The following FIG4 variants were observed in gnomAD, a reference collection of about 807,000 sequenced individuals.
FIG4 encodes polyphosphoinositide phosphatase.
A neutral mutation model predicts 118.6 loss-of-function variants in FIG4; 112 were observed. The ratio of observed to expected loss-of-function variants is 0.94; its 90% CI spans 0.81 to 1.11. The LOEUF (loss-of-function observed/expected upper bound fraction) is 1.11, where lower values mean the gene tolerates loss of function less well. FIG4 is among the 50% of genes least tolerant of loss of function. The probability of loss-of-function intolerance (pLI) is 0.00; values close to 1 mark genes in which losing one functional copy is unlikely to be tolerated. For synonymous variants in FIG4, 369 were observed against 381.2 expected (o/e 0.97, Z 0.37); for missense variants, 969 against 1,111.7 (o/e 0.87, Z 1.83).
At chr6:109,753,110 G>T (rs893391558) in intron 10 of FIG4, among the ~76,000 whole-genome samples, 9 of 152,116 alleles carry the variant, frequency 5.9e-5, no homozygotes, top group African/African-American at 2.2e-4. Flanking sequence ...TTTCCCCATT[G>T]CTTGTTTTTG....
At chr6:109,764,052 C>A in intron 13 of FIG4, 70 bp downstream of exon 13, 1 of 1,013,042 alleles carries the variant, frequency 9.9e-7, no homozygotes, top group Non-Finnish European at 1.6e-6. Flanking sequence ...TTTCTGTAAG[C>A]AATCATGGAA....
chr6:109,728,046 A>G (rs964158388), intron 4 of FIG4, among the ~76,000 whole-genome samples: 1 of 152,204 alleles, frequency 6.6e-6, no homozygotes, highest in African/African-American at 2.4e-5. Flanking sequence ...TTGTATGTGG[A>G]CTACATACTA....
intron 12 of FIG4, among the ~76,000 whole-genome samples, 158 bp from the exon 13 acceptor site, chr6:109,763,779 A>C (rs1777184219): frequency 6.6e-6 from 1 of 152,192 alleles, no homozygotes; most frequent in African/African-American, 2.4e-5. Flanking sequence ...TTGCATGTTC[A>C]CTTACCTGAA....
In FIG4 at chr6:109,785,015, G is replaced by C; in HGVS notation, c.1935G>C (p.Leu645Phe). Residue 645 changes from leucine to phenylalanine, a missense_variant, in exon 17 of 23, where the codon TTG (leucine) becomes TTC (phenylalanine). Coordinates refer to ENST00000230124, the MANE Select transcript of FIG4 (RefSeq NM_014845.6). Reference sequence around the variant, plus strand: ...CAGAGGTGATAAAGCATTTACCATTGCCCTATGATGAAGGTAGGTAACTGT... The same window carrying C: ...CAGAGGTGATAAAGCATTTACCATTCCCCTATGATGAAGGTAGGTAACTGT... ...WTPEVIKHLP[L>F]PYDEVICAVN... 6.4e-7 allele frequency: 1 copy of C among 1,569,874 alleles called. No individual in the cohort carries two copies. The highest frequency in any genetic ancestry group is 8.8e-7 in the Non-Finnish European group (1 of 1,139,704).
chr6:109,767,698 G>A (rs777182535), intron 15 of FIG4, among the ~76,000 whole-genome samples: 27 of 152,012 alleles, frequency 1.8e-4, no homozygotes, highest in Non-Finnish European at 3.2e-4. Context: ...GTGAAACCCC[G>A]TCTCTACTAA....
At chr6:109,695,281 GA>G (rs1161761730) in intron 1 of FIG4, among the ~76,000 whole-genome samples, 5 of 152,088 alleles carry the variant, frequency 3.3e-5, no homozygotes, top group African/African-American at 1.2e-4. Flanking sequence ...GTTAACTAAA[GA>G]AAAATGGGTG....
chr6:109,823,984 G>A lies in FIG4; in HGVS notation c.2547-1104G>A, dbSNP rs143365173. 1.9e-3 allele frequency among the ~76,000 whole-genome samples: 293 copies of A among 152,246 alleles called. 1 individual carries two copies. Among genetic ancestry groups the A allele is most frequent in the African/African-American group, 6.9e-3 (287 of 41,540 alleles). On this transcript the variant is annotated intron_variant, in intron 22 of 22. Transcript: ENST00000230124. ...GTGACCTTCCTGGACATGCTCGTGT[G>A]CATGCACACTCCGTACACACACATG...
intron 1 of FIG4, 71 bp downstream of exon 1, chr6:109,691,572 C>A: frequency 1.5e-6 from 2 of 1,321,650 alleles, no homozygotes; most frequent in Non-Finnish European, 2.1e-6. Flanking sequence ...GGCCGTAGGA[C>A]AGAGGCTGTA....
chr6:109,698,040 C>T (rs1163372013), intron 1 of FIG4, among the ~76,000 whole-genome samples: 3 of 152,022 alleles, frequency 2.0e-5, no homozygotes, highest in African/African-American at 7.2e-5. Context: ...AGGTGCACAC[C>T]ACCACATCTG....
At chr6:109,776,025 A>G (rs1300078995) in intron 15 of FIG4, among the ~76,000 whole-genome samples, 4 of 152,204 alleles carry the variant, frequency 2.6e-5, no homozygotes, top group African/African-American at 4.8e-5. Context: ...GAAAGAGGTT[A>G]TTATTTATAT....
intron 4 of FIG4, among the ~76,000 whole-genome samples, chr6:109,731,918 A>G (rs1430871699): frequency 6.6e-6 from 1 of 152,184 alleles, no homozygotes; most frequent in African/African-American, 2.4e-5. Flanking sequence ...AAAAAGTAGG[A>G]CAGTATACAA....
At chr6:109,759,740 A>G (rs559013896) in intron 10 of FIG4, among the ~76,000 whole-genome samples, 2 of 152,374 alleles carry the variant, frequency 1.3e-5, no homozygotes, top group Non-Finnish European at 2.9e-5. Context: ...CAGTGTAAAA[A>G]GAAAAAGAAA....
intron 22 of FIG4, among the ~76,000 whole-genome samples, chr6:109,804,612 G>A (rs951203770): frequency 3.3e-5 from 5 of 151,958 alleles, no homozygotes; most frequent in African/African-American, 7.3e-5. Flanking sequence ...AGATCTTTTA[G>A]TATTATATAA....
intron 1 of FIG4, among the ~76,000 whole-genome samples, chr6:109,703,168 A>G (rs1234416748): frequency 6.6e-6 from 1 of 152,184 alleles, no homozygotes; most frequent in Non-Finnish European, 1.5e-5. Context: ...GATAAAATAA[A>G]TACTGAATTA....
intron 1 of FIG4, chr6:109,701,814 A>AAAGGAAACC: frequency 2.2e-6 from 1 of 463,106 alleles, no homozygotes; most frequent in Non-Finnish European, 4.5e-6. Flanking sequence ...AAGGATTGGA[A>AAAGGAAACC]AAGGAAACCA....
At chr6:109,730,750 A>G (rs1455828727) in intron 4 of FIG4, among the ~76,000 whole-genome samples, 1 of 152,202 alleles carries the variant, frequency 6.6e-6, no homozygotes, top group Non-Finnish European at 1.5e-5. Context: ...TTCTCTGATA[A>G]TATTCAGGAA....
chr6:109,776,091 A>T (rs1777610091), intron 15 of FIG4, among the ~76,000 whole-genome samples: 2 of 152,214 alleles, frequency 1.3e-5, no homozygotes, highest in African/African-American at 4.8e-5. Context: ...GAATGGAAAG[A>T]AGGAAACGAG....
At chr6:109,759,106 T>C (rs1038528591) in intron 10 of FIG4, among the ~76,000 whole-genome samples, 2 of 152,274 alleles carry the variant, frequency 1.3e-5, no homozygotes, top group East Asian at 1.9e-4. Flanking sequence ...GGGTATATAC[T>C]CAAAGGATTA....
At chr6:109,732,799 C>A (rs1776046878) in intron 5 of FIG4, 112 bp downstream of exon 5, 2 of 650,692 alleles carry the variant, frequency 3.1e-6, no homozygotes, top group South Asian at 1.8e-5. Context: ...TTTTAGTCAA[C>A]TTGTTTTATC....
Sources: allele counts gnomAD v4.1 joint callset (sites outside exome capture counted in the v4.1 genomes callset), GRCh38; gene constraint gnomAD v4.1.1; transcripts MANE v1.5; gene names NCBI Gene and HGNC (gene_info 2026-07-23, HGNC 2026-07-21).